KLF5: variants seen among roughly 807,000 people sequenced by gnomAD.
The protein encoded by KLF5 is KLF transcription factor 5.
KLF5 carries 9 observed loss-of-function variants against 36.9 expected under a neutral mutation model. That is an observed-to-expected ratio of 0.24 (90% CI 0.15 to 0.43). The LOEUF (loss-of-function observed/expected upper bound fraction) is 0.43. Ranked by LOEUF, KLF5 falls within the 20% of genes least tolerant of loss-of-function variation. KLF5 has a pLI of 1.00. For synonymous variants in KLF5, 246 were observed against 241.7 expected (o/e 1.02, Z -0.17); for missense variants, 524 against 599.5 (o/e 0.87, Z 1.31).
At position 73,060,005 on chromosome 13, in the gene KLF5, G is replaced by A. The variant is rs144518442; in HGVS notation, c.261+417G>A. On this transcript the variant is annotated intron_variant, in intron 1 of 3. Coordinates refer to ENST00000377687, the MANE Select transcript of KLF5 (RefSeq NM_001730.5). ...CCCTCCCCCCCATCCCCATCGTCTCGGGTTAAGTAGAAACGCAAATTGGGG... is the reference window on the plus strand; with the variant it reads ...CCCTCCCCCCCATCCCCATCGTCTCAGGTTAAGTAGAAACGCAAATTGGGG... 5.7e-4 allele frequency among the ~76,000 whole-genome samples: 86 copies of A among 151,672 alleles called. No homozygotes were observed. The East Asian group carries it at 8.4e-3, about 15-fold the overall frequency.
chr13:73,072,436 C>A (rs1444077096), intron 3 of KLF5, among the ~76,000 whole-genome samples: 2 of 152,204 alleles, frequency 1.3e-5, no homozygotes, highest in Non-Finnish European at 2.9e-5. Context: ...TGTTTCAGAT[C>A]GTCTGGGGTT....
chr13:73,062,785 GTGTGTC>G lies in KLF5; in HGVS notation c.1135+57_1135+62del. ...ATCAATAGATGTAGTGTGTGTGTGT[GTGTGTC>G]TGTGTGCGCGCGCGTGTGCGTGTGT... On this transcript the variant is annotated intron_variant, in intron 2 of 3. Transcript: ENST00000377687. 16 of 1,525,532 alleles carry G rather than the reference GTGTGTC, an allele frequency of 1.0e-5. No individual in the cohort carries two copies. The African/African-American group carries it at 2.0e-4, about 19-fold the overall frequency. 94.5% of individuals were successfully genotyped at this position (1,525,532 alleles called of 1,614,324 possible).
intron 1 of KLF5, chr13:73,060,683 T>C (rs2044628232): frequency 1.3e-5 from 2 of 152,228 alleles, no homozygotes; most frequent in African/African-American, 4.8e-5. Context: ...GAAACGCATT[T>C]GAAATGAAGT....
chr13:73,059,525 G>C lies in KLF5; in HGVS notation c.198G>C (p.Gln66His). The change falls in exon 1 of 4, where the codon CAG becomes CAC. Residue 66 changes from glutamine to histidine, a missense_variant. Physicochemically the swap from Gln to His is conservative, Grantham distance 24. Coordinates refer to ENST00000377687, the MANE Select transcript of KLF5 (RefSeq NM_001730.5). ...HRPQAQPAPA[Q>H]APQPAQPPAT... ...CGCAGGCGCAGCCCGCGCCCGCGCA[G>C]GCCCCGCAGCCGGCCCAGCCGCCCG... The C allele has an allele frequency of 8.3e-7, 1 of 1,200,462 alleles. No individual in the cohort carries two copies. Among genetic ancestry groups the C allele is most frequent in the Non-Finnish European group, 1.0e-6 (1 of 971,578 alleles). 74.4% of individuals were successfully genotyped at this position (1,200,462 alleles called of 1,614,324 possible). A position where few individuals can be genotyped will look rare whatever the true frequency, so the allele number is the denominator to read the frequency against.
At chr13:73,064,003 TTA>T in intron 3 of KLF5, 120 bp downstream of exon 3, 4 of 599,362 alleles carry the variant, frequency 6.7e-6, no homozygotes, top group Non-Finnish European at 1.2e-5. Context: ...TTTTTTTTTT[TTA>T]AATAGCCTAC....
intron 1 of KLF5, chr13:73,059,793 T>G (rs1047240037): frequency 0.028 from 7,063 of 254,412 alleles, 1 homozygote; most frequent in African/African-American, 0.059. Flanking sequence ...GGGCCGGGGG[T>G]GGGAAGGATG....
rs1271230065 is a variant in KLF5 at position 73,077,334 on chromosome 13, A to G, written c.*1448A>G. Reference sequence around the variant, plus strand: ...AAATAATTTTGTAAGAGGCTTCAAAATGTTTATACGTGGAAACACACCTAC... The same window carrying G: ...AAATAATTTTGTAAGAGGCTTCAAAGTGTTTATACGTGGAAACACACCTAC... On this transcript the variant is annotated 3_prime_UTR_variant, in exon 4 of 4. Coordinates refer to ENST00000377687, the MANE Select transcript of KLF5 (RefSeq NM_001730.5). 1.3e-5 allele frequency: 2 copies of G among 152,638 alleles called. No homozygotes were observed. The highest frequency in any genetic ancestry group is 2.4e-5 in the African/African-American group (1 of 41,448). 9.5% of individuals were successfully genotyped at this position (152,638 alleles called of 1,614,324 possible).
chr13:73,064,669 G>A (rs1594394876), intron 3 of KLF5, among the ~76,000 whole-genome samples: 1 of 152,008 alleles, frequency 6.6e-6, no homozygotes, highest in Non-Finnish European at 1.5e-5. Flanking sequence ...TCAGCCTCCC[G>A]AGTAGCTGGG....
chr13:73,068,459 CTT>C (rs1201613127), intron 3 of KLF5, among the ~76,000 whole-genome samples: 3 of 152,112 alleles, frequency 2.0e-5, no homozygotes, highest in African/African-American at 7.2e-5. Context: ...AATTCTGGCA[CTT>C]GGGAGGCCGA....
intron 2 of KLF5, 89 bp downstream of exon 2, chr13:73,062,823 G>T (rs1006147887): frequency 8.5e-7 from 1 of 1,177,128 alleles, no homozygotes; most frequent in South Asian, 1.5e-5. Context: ...GTGTGCACGC[G>T]CGTGCCCTTT....
chr13:73,059,373 C>A lies in KLF5; in HGVS notation c.46C>A (p.Pro16Thr). 1 of 1,414,816 alleles carries A rather than the reference C, an allele frequency of 7.1e-7. No individual in the cohort carries two copies. Among genetic ancestry groups the A allele is most frequent in the Non-Finnish European group, 9.2e-7 (1 of 1,085,374 alleles). 87.6% of individuals were successfully genotyped at this position (1,414,816 alleles called of 1,614,324 possible). A position where few individuals can be genotyped will look rare whatever the true frequency, so the allele number is the denominator to read the frequency against. ...LSMSARLGPV[P>T]QPPAPQDEPV... ...CATGAGCGCCCGCCTGGGACCCGTG[C>A]CCCAGCCGCCGGCGCCGCAGGACGA... The change falls in exon 1 of 4, where the codon CCC becomes ACC. Residue 16 changes from proline to threonine, a missense_variant. Pro to Thr is a conservative substitution (Grantham distance 38). Transcript: ENST00000377687.
rs547743532 is a variant in KLF5 at position 73,075,235 on chromosome 13, A to AG, written c.1196-471dup. On this transcript the variant is annotated intron_variant, in intron 3 of 3. Transcript: ENST00000377687. ...TTGTGGTACATGAAATTCAATGTAT[A>AG]GGTGATTCGTGCAACAGCTTCTGAA... 2.9e-3 allele frequency among the ~76,000 whole-genome samples: 447 copies of AG among 152,316 alleles called. 2 individuals carry two copies. Among genetic ancestry groups the AG allele is most frequent in the African/African-American group, 0.01 (426 of 41,580 alleles).
At chr13:73,056,056 TTATC>T (rs945342886), upstream of KLF5, among the ~76,000 whole-genome samples, 61 of 152,202 alleles carry the variant, frequency 4.0e-4, no homozygotes, top group African/African-American at 1.4e-3. Flanking sequence ...CAGAAGCTAT[TTATC>T]TATTTTTTTC....
chr13:73,067,789 A>G (rs1239670813), intron 3 of KLF5, among the ~76,000 whole-genome samples: 1 of 152,054 alleles, frequency 6.6e-6, no homozygotes, highest in Non-Finnish European at 1.5e-5. Context: ...ACACGCCCGT[A>G]GGAGAAAATG....
intron 3 of KLF5, among the ~76,000 whole-genome samples, chr13:73,068,827 G>A (rs1482133438): frequency 1.3e-5 from 2 of 151,716 alleles, no homozygotes; most frequent in East Asian, 2.0e-4. Context: ...GCGCGGTGGC[G>A]GCTCACGCCT....
intron 3 of KLF5, among the ~76,000 whole-genome samples, chr13:73,070,660 G>T (rs2044716444): frequency 6.6e-6 from 1 of 152,158 alleles, no homozygotes. Context: ...GTGCTTTCTG[G>T]CCCTGGGAGA....
At chr13:73,063,424 TGAA>T (rs2044654974) in intron 2 of KLF5, among the ~76,000 whole-genome samples, 1 of 152,094 alleles carries the variant, frequency 6.6e-6, no homozygotes, top group Non-Finnish European at 1.5e-5. Context: ...ACGTGCTAAA[TGAA>T]AAAAGAAGAA....
At chr13:73,074,671 C>T (rs1200824524) in intron 3 of KLF5, among the ~76,000 whole-genome samples, 1 of 152,014 alleles carries the variant, frequency 6.6e-6, no homozygotes, top group Non-Finnish European at 1.5e-5. Flanking sequence ...AAACAGCTGG[C>T]AAGCTTTGGG....
chr13:73,074,584 A>G (rs1308951592), intron 3 of KLF5, among the ~76,000 whole-genome samples: 1 of 150,314 alleles, frequency 6.7e-6, no homozygotes, highest in Non-Finnish European at 1.5e-5. Flanking sequence ...TCCTACTGGA[A>G]TATATGATCT....
Sources: allele counts gnomAD v4.1 joint callset (sites outside exome capture counted in the v4.1 genomes callset), GRCh38; gene constraint gnomAD v4.1.1; transcripts MANE v1.5; gene names NCBI Gene and HGNC (gene_info 2026-07-23, HGNC 2026-07-21).